ELOVL7: variants seen among roughly 807,000 people sequenced by gnomAD.
ELOVL7 encodes the protein very long chain fatty acid elongase 7.
A neutral mutation model predicts 35.7 loss-of-function variants in ELOVL7; 27 were observed. The ratio of observed to expected loss-of-function variants is 0.76; its 90% CI spans 0.56 to 1.04. ELOVL7 has a LOEUF of 1.04. ELOVL7 is among the 50% of genes least tolerant of loss of function. ELOVL7 has a pLI of 0.00. For synonymous variants in ELOVL7, 113 were observed against 114.6 expected, an observed-to-expected ratio of 0.99 and a Z score of 0.09; for missense variants, 327 against 340.8, an observed-to-expected ratio of 0.96 and a Z score of 0.32.
At chr5:60,801,361 A>G (rs183110445) in intron 1 of ELOVL7, among the ~76,000 whole-genome samples, 1 of 152,320 alleles carries the variant, frequency 6.6e-6, no homozygotes, top group East Asian at 1.9e-4. Flanking sequence ...TCAGAAAGGA[A>G]GAAGTTAATG....
Position 60,767,867 on chromosome 5 carries a change from G to A in ELOVL7, c.292C>T (p.Arg98Ter), listed in dbSNP as rs200699082. Residue 98 changes from arginine (R) to a stop codon, truncating the protein, a stop_gained, in exon 5 of 9, where the codon CGA (arginine) becomes TGA (stop). Transcript: ENST00000508821. LOFTEE classifies it high-confidence loss of function. ...CGTGAATAGTCAACAATGTCACATC[G>A]AAATGAATAACCTATACCCCAGCCA... ...MSGWGIGYSF[R>*]CDIVDYSRSP... is the part of the protein sequence containing the mutation. 3.0e-4 allele frequency: 490 copies of A among 1,613,788 alleles called. No homozygotes were observed. The highest frequency in any genetic ancestry group is 3.8e-4 in the Non-Finnish European group (451 of 1,179,816).
In ELOVL7 at chr5:60,754,779, A is replaced by G; in HGVS notation, c.691T>C (p.Cys231Arg). 1 of 1,614,164 alleles carries G rather than the reference A, an allele frequency of 6.2e-7. No individual in the cohort carries two copies. Among genetic ancestry groups the G allele is most frequent in the Non-Finnish European group, 8.5e-7 (1 of 1,180,024 alleles). Residue 231 changes from cysteine to arginine, a missense_variant, in exon 9 of 9, where the codon TGC (cysteine) becomes CGC (arginine). Cys to Arg is a radical substitution (Grantham distance 180). Coordinates refer to ENST00000508821, the MANE Select transcript of ELOVL7 (RefSeq NM_024930.3). Reference protein sequence around the residue: ...HISQFFFMEDCKYQFPVFACI... With the variant: ...HISQFFFMEDRKYQFPVFACI... ...GCAAAGACTGGAAACTGATACTTGCAATCCTCCATGAAAAAGAACTGGCTT... is the reference window on the plus strand; with the variant it reads ...GCAAAGACTGGAAACTGATACTTGCGATCCTCCATGAAAAAGAACTGGCTT...
rs147562358 is a variant in ELOVL7 at position 60,753,047 on chromosome 5, A to G, written c.*1577T>C. 2 of 152,234 alleles carry G rather than the reference A, an allele frequency of 1.3e-5. No homozygotes were observed. The highest frequency in any genetic ancestry group is 3.9e-4 in the East Asian group (2 of 5,194). The allele number at this position is 152,234 out of a possible 1,614,324, so 9.4% of individuals were successfully genotyped here. A position where few individuals can be genotyped will look rare whatever the true frequency, so the allele number is the denominator to read the frequency against. ...AGTAAAATCACAAAAGATCACTTAA[A>G]GGCAAATAACCTTATGAATCTGGTA... is the stretch of plus-strand genomic sequence containing the variant. On this transcript the variant is annotated 3_prime_UTR_variant, in exon 9 of 9. Transcript: ENST00000508821.
intron 2 of ELOVL7, among the ~76,000 whole-genome samples, chr5:60,795,352 A>T (rs1219629746): frequency 1.3e-5 from 2 of 152,164 alleles, no homozygotes; most frequent in Non-Finnish European, 2.9e-5. Flanking sequence ...CACCCAACGA[A>T]TCAGGTAGTA....
chr5:60,767,637 T>C (rs938236340), intron 5 of ELOVL7, among the ~76,000 whole-genome samples, 186 bp downstream of exon 5: 20 of 152,258 alleles, frequency 1.3e-4, no homozygotes, highest in African/African-American at 4.6e-4. Flanking sequence ...GCACCAATTT[T>C]CATTTTATAG....
intron 1 of ELOVL7, among the ~76,000 whole-genome samples, chr5:60,829,245 T>C (rs1746347035): frequency 6.6e-6 from 1 of 152,170 alleles, no homozygotes; most frequent in Non-Finnish European, 1.5e-5. Flanking sequence ...AGAAAAACTT[T>C]AACAACCTTT....
At position 60,800,030 on chromosome 5, in the gene ELOVL7, CAAAAAAAAAAAAA is replaced by C. The variant is rs58041305; in HGVS notation, c.-85-813_-85-801del. 2.2e-3 allele frequency among the ~76,000 whole-genome samples: 191 copies of C among 86,198 alleles called. 5 individuals are homozygous for C. The East Asian group carries it at 0.039, about 18-fold the overall frequency. The allele number at this position is 86,198 out of a possible 152,430, so 56.5% of individuals were successfully genotyped here. ...CCAGCCTGGGCTCAAAACTCCATCT[CAAAAAAAAAAAAA>C]AAAAAAAAAAAGTATAACTAATAGT... On this transcript the variant is annotated intron_variant, in intron 1 of 8. Coordinates refer to ENST00000508821, the MANE Select transcript of ELOVL7 (RefSeq NM_024930.3).
chr5:60,792,566 C>G (rs1214931779), intron 2 of ELOVL7, among the ~76,000 whole-genome samples: 1 of 152,096 alleles, frequency 6.6e-6, no homozygotes, highest in Non-Finnish European at 1.5e-5. Flanking sequence ...AGACAATGGG[C>G]ACATAAAGAT....
intron 1 of ELOVL7, among the ~76,000 whole-genome samples, chr5:60,806,170 C>T (rs1744913788): frequency 6.6e-6 from 1 of 152,150 alleles, no homozygotes; most frequent in African/African-American, 2.4e-5. Flanking sequence ...CTGAACAGAT[C>T]CTTTCCTCAA....
At chr5:60,833,484 G>A (rs1415683584) in intron 1 of ELOVL7, among the ~76,000 whole-genome samples, 1 of 152,000 alleles carries the variant, frequency 6.6e-6, no homozygotes, top group African/African-American at 2.4e-5. Context: ...TCCCTGTGTT[G>A]GCCGCCTCCT....
intron 7 of ELOVL7, 47 bp from the exon 8 acceptor site, chr5:60,757,692 G>T: frequency 6.8e-7 from 1 of 1,470,954 alleles, no homozygotes; most frequent in South Asian, 1.5e-5. Flanking sequence ...TCCTTAAAAT[G>T]AACCACATTT....
At chr5:60,835,349 C>T (rs1442050677) in intron 1 of ELOVL7, among the ~76,000 whole-genome samples, 1 of 151,870 alleles carries the variant, frequency 6.6e-6, no homozygotes, top group Non-Finnish European at 1.5e-5. Flanking sequence ...CAAAATAAAA[C>T]AACTACACAC....
intron 1 of ELOVL7, among the ~76,000 whole-genome samples, chr5:60,807,893 G>T (rs1448506477): frequency 6.6e-6 from 1 of 150,962 alleles, no homozygotes; most frequent in Non-Finnish European, 1.5e-5. Flanking sequence ...CAGCTACTTG[G>T]GAGGCTGTGG....
intron 7 of ELOVL7, among the ~76,000 whole-genome samples, chr5:60,762,654 A>C (rs1265478687): frequency 2.6e-5 from 4 of 152,204 alleles, no homozygotes; most frequent in African/African-American, 9.6e-5. Context: ...GCCTCATGGG[A>C]GAAATCAGAA....
chr5:60,839,621 G>A (rs1209426173), intron 1 of ELOVL7, among the ~76,000 whole-genome samples: 9 of 152,184 alleles, frequency 5.9e-5, no homozygotes, highest in African/African-American at 1.7e-4. Flanking sequence ...TCCATGCTAC[G>A]TGATGTATCT....
intron 3 of ELOVL7, among the ~76,000 whole-genome samples, chr5:60,778,746 A>C (rs1419973380): frequency 6.6e-6 from 1 of 152,170 alleles, no homozygotes; most frequent in Non-Finnish European, 1.5e-5. Context: ...ATGTCCTCAC[A>C]TTTCAAAACA....
At chr5:60,801,422 C>A (rs1267184516) in intron 1 of ELOVL7, among the ~76,000 whole-genome samples, 3 of 152,176 alleles carry the variant, frequency 2.0e-5, no homozygotes, top group Non-Finnish European at 4.4e-5. Flanking sequence ...CTAAAGAGTA[C>A]CAGGTGTGGT....
At chr5:60,833,822 A>T (rs1194657213) in intron 1 of ELOVL7, among the ~76,000 whole-genome samples, 1 of 152,192 alleles carries the variant, frequency 6.6e-6, no homozygotes, top group Non-Finnish European at 1.5e-5. Flanking sequence ...GCATAAATAG[A>T]CTTTAGCACA....
At position 60,753,759 on chromosome 5, in the gene ELOVL7, G is replaced by A. The variant is rs1364875546; in HGVS notation, c.*865C>T. On this transcript the variant is annotated 3_prime_UTR_variant, in exon 9 of 9. Coordinates refer to ENST00000508821, the MANE Select transcript of ELOVL7 (RefSeq NM_024930.3). ...AACCATGACAATGTAAGAAAGTGAT[G>A]TGATACTATAACAGACAACAGGTTT... 1 of 152,198 alleles carries A rather than the reference G, an allele frequency of 6.6e-6. No homozygotes were observed. Among genetic ancestry groups the A allele is most frequent in the Non-Finnish European group, 1.5e-5 (1 of 68,026 alleles). The allele number at this position is 152,198 out of a possible 1,614,324, so 9.4% of individuals were successfully genotyped here.
Sources: allele counts gnomAD v4.1 joint callset (sites outside exome capture counted in the v4.1 genomes callset), GRCh38; gene constraint gnomAD v4.1.1; transcripts MANE v1.5; gene names NCBI Gene and HGNC (gene_info 2026-07-23, HGNC 2026-07-21).